NAALADL2: variants seen among roughly 807,000 people sequenced by gnomAD.
The protein encoded by NAALADL2 is N-acetylated alpha-linked acidic dipeptidase like 2.
In NAALADL2, 76 loss-of-function variants were observed where a neutral mutation model predicts 87.2. The observed-to-expected ratio is 0.87, with a 90% CI of 0.72 to 1.05. The LOEUF (loss-of-function observed/expected upper bound fraction) is 1.05. Among genes scored for constraint, NAALADL2 ranks in the 50% least tolerant of loss-of-function variants. The pLI is 0.00. For synonymous variants in NAALADL2, 354 were observed against 331.0 expected (o/e 1.07, Z -0.75); for missense variants, 1,089 against 945.8 (o/e 1.15, Z -1.99).
chr3:175,157,456 C>A (rs559965279), intron 2 of NAALADL2, among the ~76,000 whole-genome samples: 2 of 152,114 alleles, frequency 1.3e-5, no homozygotes, highest in East Asian at 1.9e-4. Context: ...TTGTAAATAA[C>A]CTGACACACA....
At chr3:175,237,018 A>G (rs1347664047) in intron 3 of NAALADL2, among the ~76,000 whole-genome samples, 1 of 152,154 alleles carries the variant, frequency 6.6e-6, no homozygotes, top group East Asian at 1.9e-4. Flanking sequence ...TGTAGTGTCC[A>G]TTGTTAGACT....
chr3:175,236,069 C>T (rs2109520228), intron 3 of NAALADL2, among the ~76,000 whole-genome samples: 1 of 152,226 alleles, frequency 6.6e-6, no homozygotes, highest in East Asian at 1.9e-4. Flanking sequence ...CTCCGAGGCC[C>T]TTATGGGAGC....
intron 5 of NAALADL2, among the ~76,000 whole-genome samples, chr3:175,443,133 G>C (rs992924991): frequency 6.6e-6 from 1 of 152,084 alleles, no homozygotes; most frequent in Non-Finnish European, 1.5e-5. Flanking sequence ...GTAAAGTCCT[G>C]CTTTTAGTAT....
At chr3:175,466,489 G>C (rs1321195178) in intron 7 of NAALADL2, among the ~76,000 whole-genome samples, 1 of 152,066 alleles carries the variant, frequency 6.6e-6, no homozygotes. Context: ...ACAGAAAGGA[G>C]AGGGCCTAAA....
At chr3:175,671,548 A>T (rs1734010121) in intron 11 of NAALADL2, among the ~76,000 whole-genome samples, 1 of 151,954 alleles carries the variant, frequency 6.6e-6, no homozygotes, top group Admixed American at 6.6e-5. Context: ...TGTTTGCCCC[A>T]AAGAGTTAAT....
Position 175,731,949 on chromosome 3 carries a change from A to G in NAALADL2, c.1897-5357A>G, listed in dbSNP as rs1181978331. On this transcript the variant is annotated intron_variant, in intron 11 of 13. Transcript: ENST00000454872. ...ACAGTGCAAACTGGAAAAAAAATCA[A>G]TCAGAATCCTTCTTAATTTCTTTTA... Among the ~76,000 whole-genome samples, 11 of 152,322 alleles carry G rather than the reference A, an allele frequency of 7.2e-5. No individual in the cohort carries two copies. In the East Asian group the frequency reaches 7.7e-4, roughly 11 times the overall value.
At chr3:175,153,455 T>C (rs1168326425) in intron 2 of NAALADL2, among the ~76,000 whole-genome samples, 3 of 152,184 alleles carry the variant, frequency 2.0e-5, no homozygotes, top group Non-Finnish European at 4.4e-5. Flanking sequence ...TCTTAAAGGA[T>C]GCAGCTCTTC....
chr3:175,221,175 G>A (rs937724098), intron 2 of NAALADL2, among the ~76,000 whole-genome samples: 8 of 145,882 alleles, frequency 5.5e-5, no homozygotes, highest in African/African-American at 2.1e-4. Context: ...CTCTAGCCTG[G>A]ATGACAGAGC....
intron 3 of NAALADL2, among the ~76,000 whole-genome samples, chr3:174,839,766 C>T (rs148697041): frequency 6.3e-4 from 96 of 151,852 alleles, no homozygotes; most frequent in African/African-American, 2.2e-3. Flanking sequence ...CACTAATTAT[C>T]AAGGAAATGC....
chr3:175,269,209 G>C (rs1391782666), intron 4 of NAALADL2, among the ~76,000 whole-genome samples: 4 of 152,108 alleles, frequency 2.6e-5, no homozygotes, highest in African/African-American at 9.6e-5. Flanking sequence ...AAAATGCTGA[G>C]ATTACAGGTG....
At chr3:175,235,208 T>C (rs1467825257) in intron 3 of NAALADL2, 1 of 152,134 alleles carries the variant, frequency 6.6e-6, no homozygotes, top group Non-Finnish European at 1.5e-5. Flanking sequence ...GTTTAAATCA[T>C]TTAAAATTAC....
chr3:175,702,136 C>A (rs758905696), intron 11 of NAALADL2, among the ~76,000 whole-genome samples: 3 of 151,992 alleles, frequency 2.0e-5, no homozygotes, highest in Admixed American at 1.3e-4. Context: ...TAACACATGG[C>A]GTTATAAAAT....
intron 2 of NAALADL2, among the ~76,000 whole-genome samples, chr3:174,604,405 T>G (rs549105404): frequency 3.3e-5 from 5 of 152,304 alleles, no homozygotes; most frequent in Non-Finnish European, 7.4e-5. Context: ...TCATTTCCAT[T>G]GGAATGGAAT....
chr3:175,398,350 T>G (rs1310609063), intron 5 of NAALADL2, among the ~76,000 whole-genome samples: 2 of 131,450 alleles, frequency 1.5e-5, no homozygotes, highest in African/African-American at 5.2e-5. Flanking sequence ...GCTACTTTTT[T>G]TTTTTTTTTT....
chr3:174,715,730 T>C lies in NAALADL2; in HGVS notation c.-114-21911T>C, dbSNP rs563411436. On this transcript the variant is annotated intron_variant, in intron 2 of 3. Coordinates refer to the NAALADL2 transcript ENST00000434257. ...TCCCAATCCTTTAAGGATGAATGTG[T>C]TAGAAGGTATTATAGTAAATAGACT... 3.9e-5 allele frequency among the ~76,000 whole-genome samples: 6 copies of C among 152,268 alleles called. No individual in the cohort carries two copies. The South Asian group carries it at 1.2e-3, about 31-fold the overall frequency.
At chr3:175,076,485 A>G (rs140949215) in intron 1 of NAALADL2, among the ~76,000 whole-genome samples, 3 of 152,276 alleles carry the variant, frequency 2.0e-5, no homozygotes, top group Admixed American at 1.3e-4. Context: ...TTAAGAAGTA[A>G]GAAAAACACA....
intron 2 of NAALADL2, among the ~76,000 whole-genome samples, chr3:175,205,866 T>C (rs2109205213): frequency 6.6e-6 from 1 of 151,398 alleles, no homozygotes; most frequent in Admixed American, 6.6e-5. Context: ...TCACTAATGA[T>C]CAGGGAAATG....
rs566398209 is a variant in NAALADL2 at position 175,556,600 on chromosome 3, T to C, written c.1654-19441T>C. ...TTTCTGTATGAAATTGTTACTGCCA[T>C]TTAAAATTGACATCATTTTGCTGAA... On this transcript the variant is annotated intron_variant, in intron 9 of 13. Coordinates refer to ENST00000454872, the MANE Select transcript of NAALADL2 (RefSeq NM_207015.3). Among the ~76,000 whole-genome samples the C allele has an allele frequency of 8.5e-5, 13 of 152,254 alleles. No individual in the cohort carries two copies. In the East Asian group the frequency reaches 2.5e-3, roughly 29 times the overall value.
chr3:175,419,040 G>A (rs1715193976), intron 5 of NAALADL2, among the ~76,000 whole-genome samples: 1 of 150,870 alleles, frequency 6.6e-6, no homozygotes, highest in South Asian at 2.1e-4. Context: ...TGGAGTCATA[G>A]ATACACAGAA....
Sources: gnomAD v4.1 joint callset for allele counts (sites outside exome capture counted in the v4.1 genomes callset) on GRCh38, gnomAD v4.1.1 for gene constraint, MANE v1.5 for transcripts, NCBI Gene and HGNC (gene_info 2026-07-23, HGNC 2026-07-21) for gene names.